The following DTNB variants were observed in gnomAD, a reference collection of about 807,000 sequenced individuals.
The protein encoded by DTNB is DTN-B.
A neutral mutation model predicts 90.7 loss-of-function variants in DTNB; 63 were observed. The observed-to-expected ratio is 0.69, with a 90% CI of 0.57 to 0.86. The LOEUF (loss-of-function observed/expected upper bound fraction) is 0.86. Ranked by LOEUF, DTNB falls within the 40% of genes least tolerant of loss-of-function variation. The pLI is 0.00. For synonymous variants in DTNB, 277 were observed against 286.7 expected (o/e 0.97, Z 0.34); for missense variants, 744 against 807.1 (o/e 0.92, Z 0.95).
intron 7 of DTNB, among the ~76,000 whole-genome samples, chr2:25,578,518 G>T (rs1203626515): frequency 6.6e-6 from 1 of 152,146 alleles, no homozygotes; most frequent in African/African-American, 2.4e-5. Flanking sequence ...AATACATTCT[G>T]ATAATTTTGG....
intron 9 of DTNB, among the ~76,000 whole-genome samples, chr2:25,506,239 G>C (rs1416935076): frequency 3.3e-5 from 5 of 152,024 alleles, no homozygotes; most frequent in Non-Finnish European, 7.4e-5. Flanking sequence ...AGAGCAGGGG[G>C]GTGACTATAG....
intron 8 of DTNB, among the ~76,000 whole-genome samples, chr2:25,569,714 T>G (rs930473344): frequency 6.6e-6 from 1 of 152,198 alleles, no homozygotes; most frequent in Admixed American, 6.5e-5. Flanking sequence ...TCAAACAGAC[T>G]GCCATTTGCC....
At chr2:25,569,957 C>A (rs892662212) in intron 8 of DTNB, among the ~76,000 whole-genome samples, 1 of 151,810 alleles carries the variant, frequency 6.6e-6, no homozygotes, top group Non-Finnish European at 1.5e-5. Flanking sequence ...ATCAGCCGAG[C>A]GTGGTGGCGG....
intron 12 of DTNB, among the ~76,000 whole-genome samples, chr2:25,438,290 G>C (rs1199150407): frequency 2.0e-5 from 3 of 152,110 alleles, no homozygotes; most frequent in East Asian, 3.9e-4. Flanking sequence ...TAGCTGATGA[G>C]CTAAAAATAA....
rs145920637 is a variant in DTNB at position 25,591,183 on chromosome 2, C to T, written c.603+4903G>A. Among the ~76,000 whole-genome samples, 285 of 152,336 alleles carry T rather than the reference C, an allele frequency of 1.9e-3. 2 individuals are homozygous for T. The highest frequency in any genetic ancestry group is 6.5e-3 in the African/African-American group (269 of 41,578). ...TGCCAGGCAGCGGGAGCAGACACCT[C>T]CAAGCCTGCAGGGGCAAGGGCAGCC... is the stretch of plus-strand genomic sequence containing the variant. On this transcript the variant is annotated intron_variant, in intron 6 of 20. Transcript: ENST00000406818.
chr2:25,673,378 A>AC lies in DTNB; in HGVS notation c.-2+7dup, dbSNP rs894092533. 3.3e-5 allele frequency: 5 copies of AC among 149,680 alleles called. No individual in the cohort carries two copies. Among genetic ancestry groups the AC allele is most frequent in the Non-Finnish European group, 7.4e-5 (5 of 67,352 alleles). The allele number at this position is 149,680 out of a possible 1,614,324, so 9.3% of individuals were successfully genotyped here. ...CCCACAGCCCCGGCGGCGGCCGCAG[A>AC]CCCCCACCTTGCTCACTTCCCCGCC... On this transcript the variant is annotated splice_region_variant and intron_variant, in intron 1 of 20. Coordinates refer to ENST00000406818, the MANE Select transcript of DTNB (RefSeq NM_021907.5).
intron 2 of DTNB, among the ~76,000 whole-genome samples, chr2:25,642,601 G>A (rs2078579679): frequency 6.6e-6 from 1 of 151,336 alleles, no homozygotes; most frequent in African/African-American, 2.4e-5. Flanking sequence ...TTACAGAGAT[G>A]GGGTTTCACT....
Position 25,398,770 on chromosome 2 carries a change from C to T in DTNB, c.1576-10409G>A, listed in dbSNP as rs556844250. 3.9e-5 allele frequency among the ~76,000 whole-genome samples: 6 copies of T among 152,272 alleles called. No individual in the cohort carries two copies. In the South Asian group the frequency reaches 1.2e-3, roughly 32 times the overall value. Reference sequence around the variant, plus strand: ...GATTGGCTCCTGCTGGTCCCCTGGGCATCAGTCTCACTACTATCTCCTCTA... The same window carrying T: ...GATTGGCTCCTGCTGGTCCCCTGGGTATCAGTCTCACTACTATCTCCTCTA... On this transcript the variant is annotated intron_variant, in intron 16 of 20. Transcript: ENST00000406818.
intron 4 of DTNB, among the ~76,000 whole-genome samples, chr2:25,609,708 A>AC (rs2068079614): frequency 3.4e-5 from 5 of 149,186 alleles, no homozygotes; most frequent in South Asian, 2.2e-4. Flanking sequence ...ACACACACAC[A>AC]AAATTAAAAA....
chr2:25,624,440 G>T (rs893117459), intron 4 of DTNB, among the ~76,000 whole-genome samples: 1 of 152,192 alleles, frequency 6.6e-6, no homozygotes, highest in Non-Finnish European at 1.5e-5. Context: ...GCTGCTCACA[G>T]GGATTTTGTG....
chr2:25,640,886 G>C (rs796430464), intron 2 of DTNB, among the ~76,000 whole-genome samples: 3 of 152,070 alleles, frequency 2.0e-5, no homozygotes, highest in African/African-American at 7.2e-5. Context: ...GGCGCCTGTA[G>C]TCCCAGCTAC....
At chr2:25,468,456 C>T (rs79765644) in intron 10 of DTNB, among the ~76,000 whole-genome samples, 8,450 of 152,224 alleles carry the variant, frequency 0.056, 329 homozygotes, top group Non-Finnish European at 0.084. Flanking sequence ...TGCTCCTCCA[C>T]TGGGTCTGAG....
chr2:25,626,716 A>G lies in DTNB; in HGVS notation c.362+1455T>C, dbSNP rs143708671. On this transcript the variant is annotated intron_variant, in intron 4 of 20. Coordinates refer to ENST00000406818, the MANE Select transcript of DTNB (RefSeq NM_021907.5). ...GCTTAAATTATGACTTGGCTTTGAC[A>G]TTTCCATAGTGTTACCACTAATTCA... Among the ~76,000 whole-genome samples the G allele has an allele frequency of 3.8e-4, 58 of 152,374 alleles. No individual in the cohort carries two copies. In the East Asian group the frequency reaches 9.8e-3, roughly 26 times the overall value.
intron 16 of DTNB, among the ~76,000 whole-genome samples, chr2:25,407,721 T>C (rs532541118): frequency 1.6e-4 from 24 of 152,256 alleles, no homozygotes; most frequent in African/African-American, 5.3e-4. Flanking sequence ...AGCTAAGCTA[T>C]GAGTATGTAA....
chr2:25,646,896 T>C (rs567296622), intron 2 of DTNB, among the ~76,000 whole-genome samples: 1 of 152,346 alleles, frequency 6.6e-6, no homozygotes, highest in African/African-American at 2.4e-5. Flanking sequence ...TTTTACAGAA[T>C]TTGACTCTTT....
In DTNB at chr2:25,574,565, G is replaced by A. The variant is rs113027758; in HGVS notation, c.876+2273C>T. On this transcript the variant is annotated intron_variant, in intron 8 of 20. Coordinates refer to ENST00000406818, the MANE Select transcript of DTNB (RefSeq NM_021907.5). ...TGGTTAAACACACACTTAAACTCAC[G>A]TATGAGCATATAGAAACATTTGTTC... 3.0e-3 allele frequency among the ~76,000 whole-genome samples: 452 copies of A among 152,238 alleles called. 2 individuals carry two copies. The highest frequency in any genetic ancestry group is 0.01 in the African/African-American group (426 of 41,532).
chr2:25,456,804 G>A (rs2150167321), intron 10 of DTNB, among the ~76,000 whole-genome samples: 1 of 152,078 alleles, frequency 6.6e-6, no homozygotes, highest in Non-Finnish European at 1.5e-5. Flanking sequence ...CTGACCTCAA[G>A]TGATCTCCCT....
chr2:25,378,725 C>G (rs957603790), intron 20 of DTNB, among the ~76,000 whole-genome samples: 1 of 152,158 alleles, frequency 6.6e-6, no homozygotes, highest in Admixed American at 6.5e-5. Flanking sequence ...TGGAGCAGTC[C>G]GTACTTTTCT....
At chr2:25,446,286 G>A (rs2058414512) in intron 12 of DTNB, among the ~76,000 whole-genome samples, 1 of 152,120 alleles carries the variant, frequency 6.6e-6, no homozygotes, top group Admixed American at 6.5e-5. Context: ...GCCCAGCCTG[G>A]AGTGTAGTGG....
Sources: allele counts gnomAD v4.1 joint callset (sites outside exome capture counted in the v4.1 genomes callset), GRCh38; gene constraint gnomAD v4.1.1; transcripts MANE v1.5; gene names NCBI Gene and HGNC (gene_info 2026-07-23, HGNC 2026-07-21).